The following MVD variants were observed in gnomAD, a reference collection of about 807,000 sequenced individuals.
MVD encodes the protein mevalonate diphosphate decarboxylase.
Under a neutral mutation model 42.4 loss-of-function variants are expected in MVD, and 52 were observed. That is an observed-to-expected ratio of 1.23 (90% CI 0.98 to 1.55). The LOEUF is 1.55. Ranked by LOEUF, MVD falls within the 40% of genes most tolerant of loss-of-function variation. The pLI is 0.00. For missense variants in MVD, 663 were observed against 572.1 expected (o/e 1.16, Z -1.62); for synonymous variants, 287 against 243.2 (o/e 1.18, Z -1.68).
chr16:88,655,413 C>A lies in MVD; in HGVS notation c.683G>T (p.Arg228Leu), dbSNP rs770939767. 2 of 1,570,114 alleles carry A rather than the reference C, an allele frequency of 1.3e-6. No homozygotes were observed. Among genetic ancestry groups the A allele is most frequent in the East Asian group, 2.3e-5 (1 of 42,848 alleles). Reference sequence around the variant, plus strand: ...GCGCGCGGGCACCACGGACTCGGCCCGGAACTGCAAGGCACAGGGTGTTTC... The same window carrying A: ...GCGCGCGGGCACCACGGACTCGGCCAGGAACTGCAAGGCACAGGGTGTTTC... ...SVETSPLLRF[R>L]AESVVPARMA... Residue 228 changes from arginine to leucine, a missense_variant, in exon 7 of 10, where the codon CGG (arginine) becomes CTG (leucine). Coordinates refer to ENST00000301012, the MANE Select transcript of MVD (RefSeq NM_002461.3).
Position 88,655,652 on chromosome 16 carries a change from T to G in MVD, c.678+4A>C, listed in dbSNP as rs1244609584. On this transcript the variant is annotated splice_donor_region_variant and intron_variant, in intron 6 of 9. Transcript: ENST00000301012. Reference sequence around the variant, plus strand: ...GCCCCGGGACCACCCGCTCCTGGCCTTACCCGAAGCAGGGGGCTGGTCTCC... The same window carrying G: ...GCCCCGGGACCACCCGCTCCTGGCCGTACCCGAAGCAGGGGGCTGGTCTCC... The G allele has an allele frequency of 1.3e-6, 2 of 1,551,588 alleles. No homozygotes were observed. Among genetic ancestry groups the G allele is most frequent in the African/African-American group, 2.7e-5 (2 of 73,052 alleles).
rs76700289 is a variant in MVD at position 88,662,644 on chromosome 16, C to T, written c.70+367G>A. 1.1e-3 allele frequency: 1,332 copies of T among 1,244,938 alleles called. 49 individuals are homozygous for T. In the East Asian group the frequency reaches 0.056, roughly 52 times the overall value. 77.1% of individuals were successfully genotyped at this position (1,244,938 alleles called of 1,614,324 possible). A position where few individuals can be genotyped will look rare whatever the true frequency, so the allele number is the denominator to read the frequency against. ...GCAGCCTCGACCTCCCGGGCTCTGG[C>T]CATCCTCCCGCCTCAGCCTCCCGAG... On this transcript the variant is annotated intron_variant, in intron 1 of 9. Transcript: ENST00000301012.
rs781744174 is a variant in MVD at position 88,655,314 on chromosome 16, T to G, written c.782A>C (p.Asn261Thr). ...SFAQLTMKDSNQFHATCLDTF... is the reference protein window; with the variant it reads ...SFAQLTMKDSTQFHATCLDTF... ...GTCGAGGCAGGTGGCGTGGAACTGG[T>G]TGCTGTCCTTCATGGTCAGCTGGGC... The change falls in exon 7 of 10, where the codon AAC becomes ACC. Residue 261 changes from asparagine to threonine, a missense_variant. By Grantham distance (65) the Asn-to-Thr change is moderately conservative (BLOSUM62 0). Coordinates refer to ENST00000301012, the MANE Select transcript of MVD (RefSeq NM_002461.3). The G allele has an allele frequency of 6.3e-7, 1 of 1,598,760 alleles. No individual in the cohort carries two copies. Among genetic ancestry groups the G allele is most frequent in the South Asian group, 1.1e-5 (1 of 88,460 alleles).
chr16:88,657,178 C>CT (rs1199271571), intron 4 of MVD: 2 of 665,096 alleles, frequency 3.0e-6, no homozygotes, highest in African/African-American at 3.5e-5. Flanking sequence ...AACTCCTGGC[C>CT]TACAGTGCTT....
Position 88,654,868 on chromosome 16 carries a change from C to T in MVD, c.898-61G>A, listed in dbSNP as rs956870853. 4.1e-6 allele frequency: 6 copies of T among 1,472,626 alleles called. No individual in the cohort carries two copies. In the African/African-American group the frequency reaches 4.3e-5, roughly 10 times the overall value. 91.2% of individuals were successfully genotyped at this position (1,472,626 alleles called of 1,614,324 possible). On this transcript the variant is annotated intron_variant, in intron 7 of 9. Coordinates refer to ENST00000301012, the MANE Select transcript of MVD (RefSeq NM_002461.3). ...GGTGCCTGACCCTTGTCTCCCCAAC[C>T]CTCTGGTCTGCCAGGCGGCCTTGGG...
intron 8 of MVD, chr16:88,653,679 T>A (rs772410863): frequency 4.9e-6 from 2 of 404,134 alleles, no homozygotes; most frequent in Non-Finnish European, 8.9e-6. Context: ...CAGGAAATTT[T>A]AGGTTATGTG....
intron 1 of MVD, among the ~76,000 whole-genome samples, chr16:88,659,736 TG>T (rs1297441119): frequency 6.6e-6 from 1 of 151,796 alleles, no homozygotes; most frequent in Non-Finnish European, 1.5e-5. Context: ...GAGGTCGAGG[TG>T]GGCAGATCAC....
At chr16:88,662,547 C>G (rs544252631) in intron 1 of MVD, among the ~76,000 whole-genome samples, 2 of 152,302 alleles carry the variant, frequency 1.3e-5, no homozygotes, top group Admixed American at 1.3e-4. Flanking sequence ...GAGGTTACCG[C>G]TGGGAGAAAC....
chr16:88,653,646 T>C (rs1907720505), intron 8 of MVD: 3 of 487,996 alleles, frequency 6.1e-6, no homozygotes, highest in South Asian at 5.5e-5. Flanking sequence ...ACCGCAGGAT[T>C]ATATGCTCTC....
In MVD at chr16:88,652,366, C is replaced by A. The variant is rs573704183; in HGVS notation, c.*159G>T. 2 of 774,146 alleles carry A rather than the reference C, an allele frequency of 2.6e-6. No homozygotes were observed. Among genetic ancestry groups the A allele is most frequent in the Non-Finnish European group, 4.3e-6 (2 of 460,898 alleles). 48.0% of individuals were successfully genotyped at this position (774,146 alleles called of 1,614,324 possible). Reference sequence around the variant, plus strand: ...GGACCTCTCCTGACACCTGGGCGGCCGCAGGACTCCCTGCACTGCCCCACA... The same window carrying A: ...GGACCTCTCCTGACACCTGGGCGGCAGCAGGACTCCCTGCACTGCCCCACA... On this transcript the variant is annotated 3_prime_UTR_variant, in exon 10 of 10. Coordinates refer to ENST00000301012, the MANE Select transcript of MVD (RefSeq NM_002461.3).
rs370058051 is a variant in MVD at position 88,658,710 on chromosome 16, G to C, written c.81C>G (p.Arg27=). Residue 27 remains arginine (R), a synonymous_variant, in exon 2 of 10, where the codon CGC becomes CGG. Coordinates refer to ENST00000301012, the MANE Select transcript of MVD (RefSeq NM_002461.3). ...TGATGGGCAGAACCAGCTCTTCATC[G>C]CGCTTGCCCCCTGTAATGAACAGCC... ...NIAVIKYWGK[R]DEELVLPINS... 1 of 1,612,402 alleles carries C rather than the reference G, an allele frequency of 6.2e-7. No individual in the cohort carries two copies. The highest frequency in any genetic ancestry group is 1.1e-5 in the South Asian group (1 of 90,714).
rs772020711 is a variant in MVD, at chr16:88,662,996, G to A, written c.70+15C>T. ...TCCCGGCCATCCCCGTCCCAGGCCG[G>A]CCCGCGGCACTCACAGTACTTGATG... On this transcript the variant is annotated intron_variant, in intron 1 of 9. Coordinates refer to ENST00000301012, the MANE Select transcript of MVD (RefSeq NM_002461.3). 1.9e-6 allele frequency: 3 copies of A among 1,592,984 alleles called. No individual in the cohort carries two copies. In the Admixed American group the frequency reaches 5.2e-5, roughly 28 times the overall value.
At chr16:88,661,843 T>TAAA (rs56160391) in intron 1 of MVD, among the ~76,000 whole-genome samples, 172 of 143,342 alleles carry the variant, frequency 1.2e-3, no homozygotes, top group Admixed American at 6.8e-3. Context: ...ACAGTTTCTT[T>TAAA]AAAAAAAAAA....
chr16:88,662,067 A>G (rs1418367157), intron 1 of MVD: 1 of 152,074 alleles, frequency 6.6e-6, no homozygotes, highest in African/African-American at 2.4e-5. Flanking sequence ...ATCCCAGAAG[A>G]ATGGAAATGT....
intron 1 of MVD, chr16:88,661,985 AAGAG>A (rs1369865012): frequency 1.3e-5 from 2 of 150,908 alleles, no homozygotes; most frequent in African/African-American, 4.9e-5. Context: ...TATACATAGA[AAGAG>A]AGAGAGAGAC....
chr16:88,653,226 G>A, intron 9 of MVD, 74 bp downstream of exon 9: 1 of 1,235,688 alleles, frequency 8.1e-7, no homozygotes, highest in African/African-American at 1.5e-5. Flanking sequence ...TAGCCTTTAA[G>A]GGCCCTGGGG....
chr16:88,656,420 AGGGCT>A, intron 4 of MVD, 116 bp from the exon 5 acceptor site: 1 of 1,151,266 alleles, frequency 8.7e-7, no homozygotes, highest in Non-Finnish European at 1.2e-6. Context: ...TCCAGATGAC[AGGGCT>A]TCTGGGCCAT....
chr16:88,655,292 G>A lies in MVD; in HGVS notation c.804C>T (p.Leu268=), dbSNP rs756038963. Residue 268 remains leucine (L), a synonymous_variant, in exon 7 of 10, where the codon CTC becomes CTT. Coordinates refer to ENST00000301012, the MANE Select transcript of MVD (RefSeq NM_002461.3). ...KDSNQFHATC[L]DTFPPISYLN... is the part of the protein sequence containing the mutation. ...GGTAAGAGATGGGCGGGAAGGTGTC[G>A]AGGCAGGTGGCGTGGAACTGGTTGC... The A allele has an allele frequency of 2.3e-5, 37 of 1,593,608 alleles. No individual in the cohort carries two copies. The highest frequency in any genetic ancestry group is 1.6e-4 in the Middle Eastern group (1 of 6,062).
At position 88,656,347 on chromosome 16, in the gene MVD, C is replaced by T. The variant is rs146230187; in HGVS notation, c.404-43G>A. ...CAGGGAGGGTCCTCAGAGCTGCCTG[C>T]GCTGTGCTCCCTGACAGCTCACCGC... On this transcript the variant is annotated intron_variant, in intron 4 of 9. Coordinates refer to ENST00000301012, the MANE Select transcript of MVD (RefSeq NM_002461.3). The T allele has an allele frequency of 5.6e-4, 886 of 1,586,624 alleles. 2 individuals carry two copies. In the African/African-American group the frequency reaches 8.7e-3, roughly 16 times the overall value.
Sources: gnomAD v4.1 joint callset for allele counts (sites outside exome capture counted in the v4.1 genomes callset) on GRCh38, gnomAD v4.1.1 for gene constraint, MANE v1.5 for transcripts, NCBI Gene and HGNC (gene_info 2026-07-23, HGNC 2026-07-21) for gene names.